ANKRD29: variants seen among roughly 807,000 people sequenced by gnomAD.
ANKRD29 encodes ankyrin repeat domain 29.
Under a neutral mutation model 38.0 loss-of-function variants are expected in ANKRD29, and 32 were observed. That is an observed-to-expected ratio of 0.84 (90% confidence interval 0.64 to 1.13). The LOEUF is 1.13. Ranked by LOEUF, ANKRD29 falls within the 50% of genes most tolerant of loss-of-function variation. The pLI, the probability that ANKRD29 is intolerant of heterozygous loss-of-function variation, is 0.00. For missense variants in ANKRD29, 357 were observed against 377.9 expected, an observed-to-expected ratio of 0.94 and a Z score of 0.46; for synonymous variants, 135 against 152.4, an observed-to-expected ratio of 0.89 and a Z score of 0.84.
rs1418759338 is a variant in ANKRD29, at chr18:23,657,343, CA to C, written c.21+5366del. 2.0e-5 allele frequency among the ~76,000 whole-genome samples: 3 copies of C among 152,352 alleles called. No individual in the cohort carries two copies. In the East Asian group the frequency reaches 5.8e-4, roughly 29 times the overall value. On this transcript the variant is annotated intron_variant, in intron 1 of 9. Coordinates refer to ENST00000592179, the MANE Select transcript of ANKRD29 (RefSeq NM_173505.4). ...AGCTAATTCCACAGCGAATGGAGCC[CA>C]GCTCAGGCTCACCGCCCTCAACTCC...
At chr18:23,662,643 C>T (rs2060381189) in intron 1 of ANKRD29, 67 bp downstream of exon 1, 2 of 811,248 alleles carry the variant, frequency 2.5e-6, no homozygotes, top group Non-Finnish European at 3.6e-6. Context: ...TCCCACCCCA[C>T]CCGACCCCGC....
At chr18:23,646,710 G>A (rs1317651984) in intron 2 of ANKRD29, 2 of 158,626 alleles carry the variant, frequency 1.3e-5, no homozygotes, top group Admixed American at 6.2e-5. Context: ...AATGATTCAG[G>A]TAAAGATGTA....
intron 9 of ANKRD29, among the ~76,000 whole-genome samples, chr18:23,603,674 C>G (rs1178001871): frequency 1.3e-5 from 2 of 152,066 alleles, no homozygotes; most frequent in African/African-American, 4.8e-5. Context: ...TCAGAAAAGC[C>G]TTTAAGTTTT....
chr18:23,656,072 G>A (rs1387859795), intron 1 of ANKRD29, among the ~76,000 whole-genome samples: 11 of 142,338 alleles, frequency 7.7e-5, no homozygotes, highest in African/African-American at 2.7e-4. Context: ...CAGCCTGGGC[G>A]ACAGAGCGAG....
intron 5 of ANKRD29, among the ~76,000 whole-genome samples, chr18:23,633,506 G>A (rs941420972): frequency 4.0e-4 from 61 of 152,258 alleles, no homozygotes; most frequent in African/African-American, 1.4e-3. Flanking sequence ...ATAGGTACAC[G>A]AAATGTTTCA....
At chr18:23,616,194 C>A (rs1215810730) in intron 8 of ANKRD29, among the ~76,000 whole-genome samples, 1 of 148,922 alleles carries the variant, frequency 6.7e-6, no homozygotes, top group Non-Finnish European at 1.5e-5. Context: ...GTATATAATA[C>A]ATCCATACTA....
chr18:23,633,077 A>T (rs543517687), intron 5 of ANKRD29, among the ~76,000 whole-genome samples: 49 of 152,284 alleles, frequency 3.2e-4, no homozygotes, highest in African/African-American at 1.2e-3. Flanking sequence ...TCACCATGAG[A>T]CTGTCAAGTC....
chr18:23,624,357 C>T (rs1344429470), intron 6 of ANKRD29, among the ~76,000 whole-genome samples: 1 of 148,886 alleles, frequency 6.7e-6, no homozygotes, highest in Non-Finnish European at 1.5e-5. Flanking sequence ...GTCCCAGCAA[C>T]TCAGGATTCT....
At chr18:23,655,228 A>T (rs1378114176) in intron 1 of ANKRD29, among the ~76,000 whole-genome samples, 1 of 145,042 alleles carries the variant, frequency 6.9e-6, no homozygotes, top group Non-Finnish European at 1.5e-5. Flanking sequence ...AAAACCTGAA[A>T]AGTTCAGGCC....
At chr18:23,617,891 C>A (rs1056709820) in intron 7 of ANKRD29, 64 bp from the exon 8 acceptor site, 1 of 1,359,588 alleles carries the variant, frequency 7.4e-7, no homozygotes, top group Non-Finnish European at 1.0e-6. Flanking sequence ...TGAAAGCAGT[C>A]AGTTGGGAAC....
At chr18:23,624,255 C>CAAAT (rs1325749876) in intron 6 of ANKRD29, among the ~76,000 whole-genome samples, 1 of 151,358 alleles carries the variant, frequency 6.6e-6, no homozygotes, top group African/African-American at 2.4e-5. Context: ...TCACTTGAGG[C>CAAAT]CTGGAGTTTG....
intron 9 of ANKRD29, among the ~76,000 whole-genome samples, chr18:23,602,147 C>T (rs2059521436): frequency 6.6e-6 from 1 of 152,040 alleles, no homozygotes; most frequent in Admixed American, 6.6e-5. Context: ...AGCAATTCTC[C>T]TGCCTCAGCC....
chr18:23,634,500 T>C (rs926044488), intron 4 of ANKRD29, among the ~76,000 whole-genome samples: 5 of 151,954 alleles, frequency 3.3e-5, no homozygotes, highest in African/African-American at 9.7e-5. Context: ...ATGTTGGTCA[T>C]GCTGGTCTTG....
intron 3 of ANKRD29, among the ~76,000 whole-genome samples, chr18:23,642,978 T>G (rs376432555): frequency 7.3e-4 from 111 of 152,292 alleles, no homozygotes; most frequent in African/African-American, 2.6e-3. Context: ...CTCACATACT[T>G]CTCTTGGGGA....
chr18:23,602,331 C>T (rs544128745), intron 9 of ANKRD29, among the ~76,000 whole-genome samples: 10 of 152,076 alleles, frequency 6.6e-5, no homozygotes, highest in African/African-American at 1.9e-4. Context: ...CCACCGCGCC[C>T]GGGCCAGATA....
chr18:23,607,018 A>G (rs1269556647), intron 9 of ANKRD29, among the ~76,000 whole-genome samples: 3 of 152,132 alleles, frequency 2.0e-5, no homozygotes, highest in African/African-American at 7.2e-5. Context: ...CTTTATCTGG[A>G]AACTTGATCC....
At chr18:23,660,362 C>G (rs1337889228) in intron 1 of ANKRD29, among the ~76,000 whole-genome samples, 1 of 152,206 alleles carries the variant, frequency 6.6e-6, no homozygotes, top group African/African-American at 2.4e-5. Context: ...GGAGAAATGT[C>G]TATTCATATG....
chr18:23,610,329 T>A (rs1168363937), intron 9 of ANKRD29, among the ~76,000 whole-genome samples: 1 of 152,072 alleles, frequency 6.6e-6, no homozygotes, highest in East Asian at 1.9e-4. Flanking sequence ...TACAAAAAAA[T>A]TAGCTGGGCA....
At chr18:23,612,715 A>G (rs1313002211) in intron 8 of ANKRD29, among the ~76,000 whole-genome samples, 2 of 152,190 alleles carry the variant, frequency 1.3e-5, no homozygotes, top group South Asian at 4.1e-4. Context: ...ATGTGGGGTG[A>G]GGCAATGCCC....
Sources: gnomAD v4.1 joint callset for allele counts (sites outside exome capture counted in the v4.1 genomes callset) on GRCh38, gnomAD v4.1.1 for gene constraint, MANE v1.5 for transcripts, NCBI Gene and HGNC (gene_info 2026-07-23, HGNC 2026-07-21) for gene names.